PARD3: variants seen among roughly 807,000 people sequenced by gnomAD.
PARD3 encodes partitioning defective 3 homolog.
In PARD3, 75 loss-of-function variants were observed where a neutral mutation model predicts 155.4. That is an observed-to-expected ratio of 0.48 (90% CI 0.40 to 0.58). The LOEUF (loss-of-function observed/expected upper bound fraction) is 0.58, where lower values mean the gene tolerates loss of function less well. Among genes scored for constraint, PARD3 ranks in the 20% least tolerant of loss-of-function variants. The pLI, the probability that PARD3 is intolerant of heterozygous loss-of-function variation, is 0.00. For synonymous variants in PARD3, 576 were observed against 610.5 expected, an observed-to-expected ratio of 0.94 and a Z score of 0.83; for missense variants, 1,642 against 1,721.7, an observed-to-expected ratio of 0.95 and a Z score of 0.82.
intron 3 of PARD3, among the ~76,000 whole-genome samples, chr10:34,486,007 T>C (rs552401367): frequency 1.1e-4 from 17 of 149,046 alleles, no homozygotes; most frequent in Admixed American, 8.1e-4. Flanking sequence ...CACTGCATCC[T>C]TGAACTCCCA....
intron 5 of PARD3, among the ~76,000 whole-genome samples, chr10:34,415,960 G>T (rs182553102): frequency 6.6e-6 from 1 of 152,274 alleles, no homozygotes; most frequent in African/African-American, 2.4e-5. Flanking sequence ...TTAACTGAGT[G>T]GTCATAGATT....
chr10:34,401,778 G>A (rs1564671998), intron 6 of PARD3, 48 bp downstream of exon 6: 1 of 1,136,374 alleles, frequency 8.8e-7, no homozygotes, highest in South Asian at 1.2e-5. Flanking sequence ...TGCAATTAAT[G>A]ATGCTACATG....
chr10:34,725,840 T>C (rs934087595), intron 1 of PARD3, among the ~76,000 whole-genome samples: 1 of 152,260 alleles, frequency 6.6e-6, no homozygotes, highest in African/African-American at 2.4e-5. Context: ...AGGCAGATAC[T>C]TTACTACACC....
intron 2 of PARD3, among the ~76,000 whole-genome samples, chr10:34,638,369 G>C (rs1163743818): frequency 6.6e-6 from 1 of 152,106 alleles, no homozygotes; most frequent in Non-Finnish European, 1.5e-5. Flanking sequence ...TAGGGATCCA[G>C]CCATGTGTCA....
intron 1 of PARD3, among the ~76,000 whole-genome samples, chr10:34,707,802 G>T (rs2094388644): frequency 6.6e-6 from 1 of 152,158 alleles, no homozygotes; most frequent in Admixed American, 6.6e-5. Flanking sequence ...CTGTGCAGGG[G>T]ATTGCTAACG....
chr10:34,241,758 A>C (rs1388293422), intron 22 of PARD3, among the ~76,000 whole-genome samples: 1 of 152,158 alleles, frequency 6.6e-6, no homozygotes, highest in Non-Finnish European at 1.5e-5. Context: ...GGAGGGAGCG[A>C]GGTCTCAACA....
At chr10:34,347,586 A>C (rs1837562996) in intron 15 of PARD3, among the ~76,000 whole-genome samples, 1 of 152,206 alleles carries the variant, frequency 6.6e-6, no homozygotes, top group South Asian at 2.1e-4. Context: ...ACTGTGAATG[A>C]TATGTAACTT....
intron 1 of PARD3, among the ~76,000 whole-genome samples, chr10:34,742,088 C>T (rs2095029200): frequency 6.6e-6 from 1 of 152,212 alleles, no homozygotes; most frequent in Admixed American, 6.5e-5. Flanking sequence ...CTCCCCAGCA[C>T]AACCTTGGGA....
At chr10:34,548,171 T>C (rs1426035189) in intron 2 of PARD3, among the ~76,000 whole-genome samples, 3 of 152,206 alleles carry the variant, frequency 2.0e-5, no homozygotes, top group Non-Finnish European at 4.4e-5. Flanking sequence ...TCTCATTTCC[T>C]ACAGAAGTTT....
At chr10:34,466,210 A>G (rs2077996546) in intron 4 of PARD3, among the ~76,000 whole-genome samples, 1 of 152,134 alleles carries the variant, frequency 6.6e-6, no homozygotes, top group Admixed American at 6.5e-5. Flanking sequence ...TTCCAAATGA[A>G]AACATGAAAT....
intron 2 of PARD3, among the ~76,000 whole-genome samples, chr10:34,583,057 A>G (rs1296544082): frequency 6.6e-6 from 1 of 152,198 alleles, no homozygotes; most frequent in Non-Finnish European, 1.5e-5. Flanking sequence ...TCTTTCACAT[A>G]AGAGAGAAAC....
At chr10:34,613,647 A>C (rs1460474135) in intron 2 of PARD3, among the ~76,000 whole-genome samples, 2 of 152,232 alleles carry the variant, frequency 1.3e-5, no homozygotes, top group Non-Finnish European at 2.9e-5. Context: ...GCCTATTATA[A>C]GAACAGAAAG....
intron 5 of PARD3, among the ~76,000 whole-genome samples, chr10:34,403,811 T>A (rs1844153595): frequency 6.6e-6 from 1 of 152,220 alleles, no homozygotes; most frequent in South Asian, 2.1e-4. Flanking sequence ...ATCATGCTTT[T>A]CCAATGGGAG....
chr10:34,622,819 C>CTTTTTTTT (rs1391152056), intron 2 of PARD3, among the ~76,000 whole-genome samples: 1 of 129,742 alleles, frequency 7.7e-6, no homozygotes, highest in African/African-American at 2.9e-5. Flanking sequence ...AGTTGGTTTT[C>CTTTTTTTT]TTTTTTTCTT....
chr10:34,531,129 C>G (rs528365392), intron 2 of PARD3, among the ~76,000 whole-genome samples: 9 of 152,320 alleles, frequency 5.9e-5, no homozygotes, highest in African/African-American at 2.2e-4. Context: ...CTGACTGCCT[C>G]TGCTCAATAC....
At chr10:34,739,466 G>A (rs1365262182) in intron 1 of PARD3, among the ~76,000 whole-genome samples, 1 of 152,198 alleles carries the variant, frequency 6.6e-6, no homozygotes, top group Non-Finnish European at 1.5e-5. Context: ...GCGTCCACCT[G>A]ACTTATATTA....
intron 3 of PARD3, among the ~76,000 whole-genome samples, chr10:34,498,751 T>C (rs147101194): frequency 0.013 from 1,978 of 152,220 alleles, 9 homozygotes; most frequent in Middle Eastern, 0.024. Context: ...CACTCCAGCC[T>C]GAGCAAAAGA....
chr10:34,224,693 C>T (rs904495843), intron 22 of PARD3, among the ~76,000 whole-genome samples: 4 of 152,182 alleles, frequency 2.6e-5, no homozygotes, highest in African/African-American at 9.6e-5. Flanking sequence ...ATGAAACCCT[C>T]GGCCAAACAA....
intron 5 of PARD3, among the ~76,000 whole-genome samples, chr10:34,419,431 T>G (rs1845979763): frequency 6.6e-6 from 1 of 151,978 alleles, no homozygotes; most frequent in Non-Finnish European, 1.5e-5. Context: ...ACAGGAGAAT[T>G]GCTTGAACCC....
Sources: gnomAD v4.1 joint callset for allele counts (sites outside exome capture counted in the v4.1 genomes callset) on GRCh38, gnomAD v4.1.1 for gene constraint, MANE v1.5 for transcripts, NCBI Gene and HGNC (gene_info 2026-07-23, HGNC 2026-07-21) for gene names.